Variants in KIRREL3 observed in about 807,000 individuals in gnomAD.
KIRREL3 encodes kirre like nephrin family adhesion molecule 3, also known as kin of IRRE-like protein 3.
In KIRREL3, 36 loss-of-function variants were observed where a neutral mutation model predicts 89.7. That is an observed-to-expected ratio of 0.40 (90% CI 0.31 to 0.53). The LOEUF is 0.53. Among genes scored for constraint, KIRREL3 ranks in the 20% least tolerant of loss-of-function variants. The pLI, the probability that KIRREL3 is intolerant of heterozygous loss-of-function variation, is 0.49. For missense variants in KIRREL3, 864 were observed against 1,056.6 expected, an observed-to-expected ratio of 0.82 and a Z score of 2.53; for synonymous variants, 445 against 441.4, an observed-to-expected ratio of 1.01 and a Z score of -0.10.
intron 4 of KIRREL3, among the ~76,000 whole-genome samples, chr11:126,514,320 G>A (rs1407513036): frequency 1.3e-5 from 2 of 152,156 alleles, no homozygotes; most frequent in African/African-American, 4.8e-5. Context: ...ACTAAGACCA[G>A]GCCAGGGCCC....
In KIRREL3 at chr11:126,607,372, T is replaced by C. The variant is rs186010538; in HGVS notation, c.56-44460A>G. The stretch of plus-strand genomic sequence containing the variant: ...TGCTTTCTAATGTGAATATGAGTAC[T>C]CTTGGCTGGGAGAGGAAGGGCTGGA... On this transcript the variant is annotated intron_variant, in intron 1 of 16. Transcript: ENST00000525144. The surrounding 1 kb of genome is among the most constrained non-coding windows in gnomAD (Gnocchi z 6.6). Among the ~76,000 whole-genome samples, 1 of 152,164 alleles carries C rather than the reference T, an allele frequency of 6.6e-6. No individual in the cohort carries two copies.
rs1221622351 is a variant in KIRREL3, at chr11:126,553,865, A to G, written c.133+8970T>C. The stretch of plus-strand genomic sequence containing the variant: ...ATTTTTTTCCATCACTATTAGGAAA[A>G]CAGCATGCAATTCAGCTCATATGCA... On this transcript the variant is annotated intron_variant, in intron 2 of 16. Transcript: ENST00000525144. This position sits in a 1 kb window ranked among gnomAD's most constrained non-coding sequence, Gnocchi z 4.7. 6.6e-6 allele frequency among the ~76,000 whole-genome samples: 1 copy of G among 152,278 alleles called. No individual in the cohort carries two copies. Among genetic ancestry groups the G allele is most frequent in the South Asian group, 2.1e-4 (1 of 4,816 alleles).
At chr11:126,864,735 C>T (rs535646019) in intron 1 of KIRREL3, among the ~76,000 whole-genome samples, 26 of 152,204 alleles carry the variant, frequency 1.7e-4, no homozygotes, top group South Asian at 1.0e-3. Flanking sequence ...TGTTTACAGA[C>T]GAGAAAACAG....
At chr11:126,878,528 T>C (rs1684499836) in intron 1 of KIRREL3, among the ~76,000 whole-genome samples, 1 of 152,056 alleles carries the variant, frequency 6.6e-6, no homozygotes, top group Non-Finnish European at 1.5e-5. Context: ...AACCCATATA[T>C]AATTTTTTTC....
At chr11:126,690,373 T>C (rs2135129943) in intron 1 of KIRREL3, among the ~76,000 whole-genome samples, 1 of 151,984 alleles carries the variant, frequency 6.6e-6, no homozygotes, top group Admixed American at 6.5e-5. Context: ...TTTTTTTTTT[T>C]TTTCCCATTA....
rs1229120550 is a variant in KIRREL3 at position 126,527,742 on chromosome 11, G to T, written c.134-1055C>A. Among the ~76,000 whole-genome samples, 2 of 152,158 alleles carry T rather than the reference G, an allele frequency of 1.3e-5. No homozygotes were observed. Among genetic ancestry groups the T allele is most frequent in the Admixed American group, 1.3e-4 (2 of 15,280 alleles). On this transcript the variant is annotated intron_variant, in intron 2 of 16. Coordinates refer to ENST00000525144, the MANE Select transcript of KIRREL3 (RefSeq NM_032531.4). This position sits in a 1 kb window ranked among gnomAD's most constrained non-coding sequence, Gnocchi z 4.2. Reference sequence around the variant, plus strand: ...GGTTAACTGAATTGCCCAGGGAACTGTCTAGTGGGAGTTGGGGTGGGTGGT... The same window carrying T: ...GGTTAACTGAATTGCCCAGGGAACTTTCTAGTGGGAGTTGGGGTGGGTGGT...
At position 126,495,082 on chromosome 11, in the gene KIRREL3, C is replaced by T. The variant is rs1957621565; in HGVS notation, c.434-21616G>A. Among the ~76,000 whole-genome samples the T allele has an allele frequency of 6.6e-6, 1 of 152,200 alleles. No individual in the cohort carries two copies. Among genetic ancestry groups the T allele is most frequent in the Non-Finnish European group, 1.5e-5 (1 of 68,038 alleles). On this transcript the variant is annotated intron_variant, in intron 4 of 16. Transcript: ENST00000525144. This position sits in a 1 kb window ranked among gnomAD's most constrained non-coding sequence, Gnocchi z 6.5. ...GTGGGCACTGAGCACTTAGCTGGCCCCTCTTAGGCCCTGACCTCCAGGCAA... is the reference window on the plus strand; with the variant it reads ...GTGGGCACTGAGCACTTAGCTGGCCTCTCTTAGGCCCTGACCTCCAGGCAA...
intron 1 of KIRREL3, among the ~76,000 whole-genome samples, chr11:126,853,182 T>C (rs1944397255): frequency 1.3e-5 from 2 of 152,216 alleles, no homozygotes; most frequent in Admixed American, 1.3e-4. Context: ...TCGCTGTGTG[T>C]GTTTTTTCCC....
chr11:126,664,059 A>G lies in KIRREL3; in HGVS notation c.56-101147T>C, dbSNP rs1385248581. Among the ~76,000 whole-genome samples, 1 of 152,194 alleles carries G rather than the reference A, an allele frequency of 6.6e-6. No homozygotes were observed. The highest frequency in any genetic ancestry group is 1.5e-5 in the Non-Finnish European group (1 of 68,022). On this transcript the variant is annotated intron_variant, in intron 1 of 16. Transcript: ENST00000525144. The surrounding 1 kb of genome is among the most constrained non-coding windows in gnomAD (Gnocchi z 5.4). ...ACAAGGGAAATTAACCAGACTCTGC[A>G]TGTTGTGGGAATTCTGCATGGCAAC...
At chr11:126,888,749 C>T (rs933152634) in intron 1 of KIRREL3, among the ~76,000 whole-genome samples, 1 of 152,186 alleles carries the variant, frequency 6.6e-6, no homozygotes, top group African/African-American at 2.4e-5. Context: ...TGCAGACTGA[C>T]CGTGGGCAAG....
intron 1 of KIRREL3, among the ~76,000 whole-genome samples, chr11:126,725,454 A>G (rs1013176504): frequency 2.0e-5 from 3 of 152,318 alleles, no homozygotes; most frequent in South Asian, 2.1e-4. Flanking sequence ...CCGCATGGGC[A>G]TTTCTTTCTT....
rs1490105830 is a variant in KIRREL3 at position 126,530,572 on chromosome 11, G to A, written c.134-3885C>T. On this transcript the variant is annotated intron_variant, in intron 2 of 16. Transcript: ENST00000525144. The surrounding 1 kb of genome is among the most constrained non-coding windows in gnomAD (Gnocchi z 5.8). ...AGGCAGGCACTGTGCTGTCTGGTGAGGAGCAGGGGAACAGGCCTGGCCACC... is the reference window on the plus strand; with the variant it reads ...AGGCAGGCACTGTGCTGTCTGGTGAAGAGCAGGGGAACAGGCCTGGCCACC... Among the ~76,000 whole-genome samples, 5 of 152,172 alleles carry A rather than the reference G, an allele frequency of 3.3e-5. No individual in the cohort carries two copies. The highest frequency in any genetic ancestry group is 5.9e-5 in the Non-Finnish European group (4 of 68,026).
rs549573812 is a variant in KIRREL3 at position 126,990,935 on chromosome 11, G to T, written c.55+9520C>A. Among the ~76,000 whole-genome samples, 1 of 152,304 alleles carries T rather than the reference G, an allele frequency of 6.6e-6. No homozygotes were observed. Among genetic ancestry groups the T allele is most frequent in the South Asian group, 2.1e-4 (1 of 4,830 alleles). On this transcript the variant is annotated intron_variant, in intron 1 of 16. Coordinates refer to ENST00000525144, the MANE Select transcript of KIRREL3 (RefSeq NM_032531.4). This position sits in a 1 kb window ranked among gnomAD's most constrained non-coding sequence, Gnocchi z 6.3. ...GAACGTGCTAAGCTTCCTGTGCAAT[G>T]AACCAACCGGGCCCCAGTGTTACTC...
chr11:126,698,620 G>T lies in KIRREL3; in HGVS notation c.56-135708C>A, dbSNP rs570888915. ...GAGTGTCTTAGGTGTCAAGGCCAGG[G>T]TTCTGCTGCGTGAGGAGGAAGAGGA... On this transcript the variant is annotated intron_variant, in intron 1 of 16. Coordinates refer to ENST00000525144, the MANE Select transcript of KIRREL3 (RefSeq NM_032531.4). Among the ~76,000 whole-genome samples, 175 of 152,352 alleles carry T rather than the reference G, an allele frequency of 1.1e-3. 3 individuals carry two copies. The South Asian group carries it at 0.027, about 23-fold the overall frequency.
chr11:126,527,397 G>C lies in KIRREL3; in HGVS notation c.134-710C>G, dbSNP rs1958796572. Among the ~76,000 whole-genome samples the C allele has an allele frequency of 6.6e-6, 1 of 152,188 alleles. No individual in the cohort carries two copies. Among genetic ancestry groups the C allele is most frequent in the Non-Finnish European group, 1.5e-5 (1 of 68,026 alleles). ...AAACGAGATGGCCAGAATCATCGAA[G>C]AGAGTCAGTTGACATTATTTTATTA... On this transcript the variant is annotated intron_variant, in intron 2 of 16. Transcript: ENST00000525144. This position sits in a 1 kb window ranked among gnomAD's most constrained non-coding sequence, Gnocchi z 4.2.
chr11:126,650,055 G>A (rs984725251), intron 1 of KIRREL3, among the ~76,000 whole-genome samples: 1 of 152,224 alleles, frequency 6.6e-6, no homozygotes, highest in Non-Finnish European at 1.5e-5. Flanking sequence ...TGCACCCCAT[G>A]AAGCCATGGC....
chr11:126,479,997 T>G (rs1957176198), intron 4 of KIRREL3, among the ~76,000 whole-genome samples: 1 of 152,186 alleles, frequency 6.6e-6, no homozygotes, highest in Non-Finnish European at 1.5e-5. Flanking sequence ...GGGCATCCCC[T>G]GACTCACTAG....
rs748066404 is a variant in KIRREL3, at chr11:126,530,165, A to C, written c.134-3478T>G. On this transcript the variant is annotated intron_variant, in intron 2 of 16. Coordinates refer to ENST00000525144, the MANE Select transcript of KIRREL3 (RefSeq NM_032531.4). This position sits in a 1 kb window ranked among gnomAD's most constrained non-coding sequence, Gnocchi z 5.8. ...CAGTGGGGCAATCTTGGCTCACTGCAACCTTTGCCTCCCGGTTCAAGTGAT... is the reference window on the plus strand; with the variant it reads ...CAGTGGGGCAATCTTGGCTCACTGCCACCTTTGCCTCCCGGTTCAAGTGAT... 6.6e-6 allele frequency among the ~76,000 whole-genome samples: 1 copy of C among 152,118 alleles called. No homozygotes were observed. Among genetic ancestry groups the C allele is most frequent in the Non-Finnish European group, 1.5e-5 (1 of 68,018 alleles).
chr11:126,960,158 GC>G (rs11316796), intron 1 of KIRREL3, among the ~76,000 whole-genome samples: 15,432 of 152,122 alleles, frequency 0.1, 911 homozygotes, highest in East Asian at 0.27. Context: ...TTGGCCTGAC[GC>G]AGGAGACAAG....
Sources: gnomAD v4.1 joint callset for allele counts (sites outside exome capture counted in the v4.1 genomes callset) on GRCh38, gnomAD v4.1.1 for gene constraint, Gnocchi (gnomAD v3.1) non-coding constraint, MANE v1.5 for transcripts, NCBI Gene and HGNC (gene_info 2026-07-23, HGNC 2026-07-21) for gene names.